The following ARB2A variants were observed in gnomAD, a reference collection of about 807,000 sequenced individuals.
ARB2A encodes ARB2 cotranscriptional regulator A.
the ARB2A span, among the ~76,000 whole-genome samples, chr5:93,923,688 T>A: frequency 6.6e-6 from 1 of 151,982 alleles, no homozygotes; most frequent in African/African-American, 2.4e-5. Flanking sequence ...TGGATACAAG[T>A]GGTCTCAGCT....
At chr5:93,967,922 G>T in the ARB2A span, among the ~76,000 whole-genome samples, 2 of 151,708 alleles carry the variant, frequency 1.3e-5, no homozygotes, top group African/African-American at 4.8e-5. Context: ...AAATACCAGG[G>T]GATTACAGCT....
chr5:93,646,735 G>T, the ARB2A span, among the ~76,000 whole-genome samples: 2 of 151,800 alleles, frequency 1.3e-5, no homozygotes, highest in Admixed American at 1.3e-4. Context: ...ATAGTGATGT[G>T]ATTCGAATGT....
chr5:93,621,591 C>G, the ARB2A span, among the ~76,000 whole-genome samples: 1 of 152,244 alleles, frequency 6.6e-6, no homozygotes, highest in Non-Finnish European at 1.5e-5. Context: ...CGAGACTCGG[C>G]GCGCGCGGGG....
the ARB2A span, among the ~76,000 whole-genome samples, chr5:93,944,448 T>C: frequency 2.0e-5 from 3 of 151,680 alleles, no homozygotes; most frequent in Admixed American, 6.6e-5. Flanking sequence ...AATAAATAAA[T>C]AAAAGTGTGC....
chr5:94,111,282 AAC>A, the ARB2A span, among the ~76,000 whole-genome samples: 1 of 152,116 alleles, frequency 6.6e-6, no homozygotes, highest in Admixed American at 6.5e-5. Context: ...TCATCCAGGG[AAC>A]ACACACGTCG....
chr5:94,087,512 G>A, the ARB2A span, among the ~76,000 whole-genome samples: 3 of 152,124 alleles, frequency 2.0e-5, no homozygotes, highest in African/African-American at 7.2e-5. Context: ...TAAGTGTACT[G>A]TAAAGTAAAA....
the ARB2A span, chr5:93,805,662 A>C: frequency 4.1e-6 from 4 of 985,216 alleles, no homozygotes; most frequent in Non-Finnish European, 4.8e-6. Flanking sequence ...GATTATGTAT[A>C]AATTTAAGGG....
chr5:93,854,506 T>G, the ARB2A span, among the ~76,000 whole-genome samples: 1 of 152,202 alleles, frequency 6.6e-6, no homozygotes, highest in Non-Finnish European at 1.5e-5. Flanking sequence ...AGCTTTTGAA[T>G]GTGTTTGCTC....
chr5:94,063,768 T>C, the ARB2A span, among the ~76,000 whole-genome samples: 1 of 152,020 alleles, frequency 6.6e-6, no homozygotes, highest in African/African-American at 2.4e-5. Context: ...AAAAAAATCA[T>C]ACAGAAATTA....
the ARB2A span, among the ~76,000 whole-genome samples, chr5:93,971,039 C>T: frequency 6.6e-6 from 1 of 151,712 alleles, no homozygotes; most frequent in Admixed American, 6.6e-5. Context: ...TGCACAGTTG[C>T]CCAGGCTGGA....
At chr5:93,813,431 G>A in the ARB2A span, among the ~76,000 whole-genome samples, 1 of 152,214 alleles carries the variant, frequency 6.6e-6, no homozygotes, top group Non-Finnish European at 1.5e-5. Flanking sequence ...AAATGAGCAA[G>A]AAATTATTAA....
chr5:94,080,961 C>G, the ARB2A span, among the ~76,000 whole-genome samples: 1 of 152,014 alleles, frequency 6.6e-6, no homozygotes, highest in Admixed American at 6.6e-5. Context: ...TGTTAAGAGA[C>G]CAGATGTATC....
chr5:93,936,799 A>C, the ARB2A span, among the ~76,000 whole-genome samples: 1 of 152,142 alleles, frequency 6.6e-6, no homozygotes. Flanking sequence ...CAAAAATTTT[A>C]ATATACCCAG....
chr5:93,653,537 A>AAAAAAAAAAAAAAAAAC, the ARB2A span, among the ~76,000 whole-genome samples: 1 of 142,268 alleles, frequency 7.0e-6, no homozygotes, highest in African/African-American at 2.6e-5. Context: ...AAAAAAAAAA[A>AAAAAAAAAAAAAAAAAC]AAAAAAAAAA....
At chr5:94,085,661 C>T in the ARB2A span, among the ~76,000 whole-genome samples, 2 of 152,092 alleles carry the variant, frequency 1.3e-5, no homozygotes, top group African/African-American at 4.8e-5. Context: ...TATACAAAGG[C>T]ATGAATATCA....
At chr5:94,041,570 G>A in the ARB2A span, among the ~76,000 whole-genome samples, 1 of 152,122 alleles carries the variant, frequency 6.6e-6, no homozygotes, top group African/African-American at 2.4e-5. Flanking sequence ...AAAGTAAAAA[G>A]TGTAATGCCT....
the ARB2A span, among the ~76,000 whole-genome samples, chr5:94,055,345 C>T: frequency 2.6e-4 from 40 of 152,192 alleles, no homozygotes; most frequent in Admixed American, 1.4e-3. Context: ...ACTTTATTTC[C>T]GTCTCTCACA....
chr5:94,043,815 G>C, the ARB2A span, among the ~76,000 whole-genome samples: 12 of 152,160 alleles, frequency 7.9e-5, no homozygotes, highest in African/African-American at 2.7e-4. Flanking sequence ...GATTCCCTAT[G>C]GAAAAGAGTT....
the ARB2A span, among the ~76,000 whole-genome samples, chr5:93,930,168 C>G: frequency 6.6e-6 from 1 of 152,184 alleles, no homozygotes; most frequent in Admixed American, 6.5e-5. Flanking sequence ...AAATTTCCCA[C>G]TACTGCATTT....
Sources: gnomAD v4.1 joint callset for allele counts (sites outside exome capture counted in the v4.1 genomes callset) on GRCh38, gnomAD v4.1.1 for gene constraint, MANE v1.5 for transcripts, NCBI Gene and HGNC (gene_info 2026-07-23, HGNC 2026-07-21) for gene names.